The following NRXN1 variants were observed in gnomAD, a reference collection of about 807,000 sequenced individuals.
The protein encoded by NRXN1 is neurexin 1.
In NRXN1, 39 loss-of-function variants were observed where a neutral mutation model predicts 150.9. The observed-to-expected ratio is 0.26, with a 90% CI of 0.20 to 0.34. The LOEUF (loss-of-function observed/expected upper bound fraction) is 0.34, where lower values mean the gene tolerates loss of function less well. NRXN1 is among the 10% of genes least tolerant of loss of function. The probability of loss-of-function intolerance (pLI) is 1.00; values close to 1 mark genes in which losing one functional copy is unlikely to be tolerated. For missense variants in NRXN1, 1,815 were observed against 1,949.9 expected (o/e 0.93, Z 1.30); for synonymous variants, 924 against 757.0 (o/e 1.22, Z -3.62).
chr2:50,853,364 A>G (rs1674791049), intron 5 of NRXN1, among the ~76,000 whole-genome samples: 2 of 152,114 alleles, frequency 1.3e-5, no homozygotes, highest in South Asian at 4.1e-4. Flanking sequence ...AAGTTTGCCA[A>G]TGGCACACTC....
intron 5 of NRXN1, among the ~76,000 whole-genome samples, chr2:50,680,801 A>T (rs1690270484): frequency 6.6e-6 from 1 of 152,040 alleles, no homozygotes; most frequent in Non-Finnish European, 1.5e-5. Context: ...AAAAAAGGAT[A>T]ATCTGTTTGG....
chr2:50,168,555 T>G (rs1231285920), intron 18 of NRXN1, among the ~76,000 whole-genome samples: 1 of 152,246 alleles, frequency 6.6e-6, no homozygotes, highest in East Asian at 1.9e-4. Flanking sequence ...TTAGTTTTTT[T>G]CATCTTACAT....
chr2:50,327,583 T>A (rs114994167), intron 17 of NRXN1, among the ~76,000 whole-genome samples: 1 of 152,104 alleles, frequency 6.6e-6, no homozygotes, highest in Non-Finnish European at 1.5e-5. Context: ...AAAACCTTCA[T>A]CATGCTTCTT....
At chr2:50,155,208 T>C (rs2058941173) in intron 18 of NRXN1, among the ~76,000 whole-genome samples, 1 of 151,632 alleles carries the variant, frequency 6.6e-6, no homozygotes, top group African/African-American at 2.4e-5. Flanking sequence ...CAGTTGAAAA[T>C]GTAATTCCTT....
chr2:50,387,119 T>C (rs1040861017), intron 17 of NRXN1, among the ~76,000 whole-genome samples: 1 of 152,156 alleles, frequency 6.6e-6, no homozygotes, highest in African/African-American at 2.4e-5. Context: ...ACATTTTTCA[T>C]GTGTTGTAAC....
intron 17 of NRXN1, among the ~76,000 whole-genome samples, chr2:50,433,539 A>G (rs1201519875): frequency 1.3e-5 from 2 of 151,288 alleles, no homozygotes; most frequent in African/African-American, 4.9e-5. Context: ...TCTAACATTG[A>G]TAGGTAGCTA....
chr2:50,002,897 C>A (rs1160176963), intron 21 of NRXN1, among the ~76,000 whole-genome samples: 3 of 152,058 alleles, frequency 2.0e-5, no homozygotes, highest in Admixed American at 2.0e-4. Context: ...AGAAAAGTTA[C>A]AAGGGCAGAA....
chr2:50,836,866 A>T (rs1245244591), intron 5 of NRXN1, among the ~76,000 whole-genome samples: 1 of 151,786 alleles, frequency 6.6e-6, no homozygotes, highest in Non-Finnish European at 1.5e-5. Flanking sequence ...ACAGAAGAAC[A>T]AATATGACTG....
At chr2:50,867,304 A>T (rs535175121) in intron 5 of NRXN1, among the ~76,000 whole-genome samples, 2 of 151,798 alleles carry the variant, frequency 1.3e-5, no homozygotes, top group African/African-American at 2.4e-5. Flanking sequence ...AATTCATGGG[A>T]CCCTATTTAA....
chr2:50,440,621 A>C (rs1323518416), intron 17 of NRXN1, among the ~76,000 whole-genome samples: 1 of 152,156 alleles, frequency 6.6e-6, no homozygotes, highest in African/African-American at 2.4e-5. Context: ...GTCTCATTGA[A>C]GTAGTAATGT....
At chr2:50,446,515 T>C (rs1418128500) in intron 17 of NRXN1, among the ~76,000 whole-genome samples, 1 of 124,654 alleles carries the variant, frequency 8.0e-6, no homozygotes, top group Non-Finnish European at 1.7e-5. Context: ...CCCGTCTTCC[T>C]CCCTCCCTCC....
At chr2:50,832,496 T>C (rs1574639374) in intron 5 of NRXN1, among the ~76,000 whole-genome samples, 1 of 151,948 alleles carries the variant, frequency 6.6e-6, no homozygotes, top group African/African-American at 2.4e-5. Context: ...CTACTAAAAA[T>C]GTAAAAATCA....
At chr2:49,938,604 G>C (rs978279013) in intron 22 of NRXN1, among the ~76,000 whole-genome samples, 1 of 152,238 alleles carries the variant, frequency 6.6e-6, no homozygotes, top group Non-Finnish European at 1.5e-5. Flanking sequence ...ATTGATTTGA[G>C]AGTGGCCTAA....
intron 18 of NRXN1, among the ~76,000 whole-genome samples, chr2:50,217,525 GT>G (rs1024965257): frequency 1.3e-5 from 2 of 151,820 alleles, no homozygotes; most frequent in Non-Finnish European, 2.9e-5. Flanking sequence ...TAGGTATGTA[GT>G]TTTTTTTAAA....
At position 50,347,084 on chromosome 2, in the gene NRXN1, C is replaced by T. The variant is rs1318738517; in HGVS notation, c.3365-110114G>A. The T allele has an allele frequency of 1.4e-6, 2 of 1,384,614 alleles. No individual in the cohort carries two copies. Among genetic ancestry groups the T allele is most frequent in the Admixed American group, 2.2e-5 (1 of 45,962 alleles). The allele number at this position is 1,384,614 out of a possible 1,614,324, so 85.8% of individuals were successfully genotyped here. ...GCCTCACCGCGCCAGGGCACCCATC[C>T]TCTCCCTCCTTCGGACAGTCTTCTC... is the stretch of plus-strand genomic sequence containing the variant. On this transcript the variant is annotated intron_variant, in intron 17 of 22. Transcript: ENST00000401669. This position sits in a 1 kb window ranked among gnomAD's most constrained non-coding sequence, Gnocchi z 4.9.
At chr2:50,806,090 A>G (rs1667473997) in intron 5 of NRXN1, among the ~76,000 whole-genome samples, 1 of 152,224 alleles carries the variant, frequency 6.6e-6, no homozygotes, top group African/African-American at 2.4e-5. Context: ...GTACTTTAAA[A>G]TCCACATTCC....
At chr2:50,708,808 G>A (rs1694768744) in intron 5 of NRXN1, among the ~76,000 whole-genome samples, 1 of 152,092 alleles carries the variant, frequency 6.6e-6, no homozygotes, top group African/African-American at 2.4e-5. Context: ...AACTACTCAT[G>A]TAAGGAGCCA....
intron 18 of NRXN1, among the ~76,000 whole-genome samples, chr2:50,092,825 A>G (rs1441374963): frequency 6.6e-6 from 1 of 152,166 alleles, no homozygotes; most frequent in African/African-American, 2.4e-5. Flanking sequence ...CTTATTGTAC[A>G]TAAAGATCTC....
chr2:50,559,061 G>A (rs937462808), intron 8 of NRXN1, among the ~76,000 whole-genome samples: 2 of 152,110 alleles, frequency 1.3e-5, no homozygotes, highest in Non-Finnish European at 2.9e-5. Context: ...CAGCCTGGGT[G>A]ACAGAGTGAG....
Sources: allele counts gnomAD v4.1 joint callset (sites outside exome capture counted in the v4.1 genomes callset), GRCh38; gene constraint gnomAD v4.1.1; non-coding constraint Gnocchi (gnomAD v3.1); transcripts MANE v1.5; gene names NCBI Gene and HGNC (gene_info 2026-07-23, HGNC 2026-07-21).